The following GBP2 variants were observed in gnomAD, a reference collection of about 807,000 sequenced individuals.
GBP2 encodes guanylate binding protein 2.
GBP2 carries 54 observed loss-of-function variants against 60.8 expected under a neutral mutation model. The observed-to-expected ratio is 0.89, with a 90% CI of 0.71 to 1.11. The LOEUF is 1.11. Among genes scored for constraint, GBP2 ranks in the 50% most tolerant of loss-of-function variants. GBP2 has a pLI of 0.00. For missense variants in GBP2, 665 were observed against 703.3 expected (o/e 0.95, Z 0.62); for synonymous variants, 243 against 256.5 (o/e 0.95, Z 0.50).
intron 8 of GBP2, among the ~76,000 whole-genome samples, chr1:89,111,195 T>C (rs1681158068): frequency 6.6e-6 from 1 of 152,176 alleles, no homozygotes; most frequent in South Asian, 2.1e-4. Context: ...ACAGCTATTA[T>C]CATACTGAAT....
rs1681410302 is a variant in GBP2, at chr1:89,121,972, G to A, written c.-6C>T. 4.3e-6 allele frequency: 7 copies of A among 1,609,280 alleles called. No individual in the cohort carries two copies. Among genetic ancestry groups the A allele is most frequent in the Non-Finnish European group, 5.9e-6 (7 of 1,177,144 alleles). ...AAGTTGATCTCTGGAGCCATGTCCA[G>A]GGTGTTGTTCCCTTGTGTGCAAGGA... On this transcript the variant is annotated 5_prime_UTR_variant, in exon 2 of 11. Transcript: ENST00000370466.
At chr1:89,111,135 G>T (rs915825643) in intron 8 of GBP2, among the ~76,000 whole-genome samples, 4 of 151,910 alleles carry the variant, frequency 2.6e-5, no homozygotes, top group African/African-American at 9.7e-5. Context: ...AAAAAACTGG[G>T]TATAGGTGGA....
intron 2 of GBP2, 127 bp downstream of exon 2, chr1:89,121,650 C>T: frequency 3.2e-6 from 3 of 945,886 alleles, no homozygotes; most frequent in Non-Finnish European, 4.7e-6. Flanking sequence ...ATGTAAAGAG[C>T]CCATTAATGG....
chr1:89,112,844 G>A, intron 7 of GBP2, 160 bp from the exon 8 acceptor site: 1 of 600,264 alleles, frequency 1.7e-6, no homozygotes, highest in East Asian at 2.8e-5. Flanking sequence ...CCTAAGTTGT[G>A]CTTATTGCAG....
In GBP2 at chr1:89,110,171, C is replaced by T. The variant is rs377174334; in HGVS notation, c.1458G>A (p.Ala486=). ...GTTTTCAGCTGTTCTCACCTTCAAT[C>T]GCTTTTTCCTTTTCTGAGAGTGACT... ...TDQSLSEKEK[A]IEVERIKAES... is the part of the protein sequence containing the mutation. The change falls in exon 9 of 11, where the codon GCG becomes GCA. Residue 486 remains alanine, a synonymous_variant. Coordinates refer to ENST00000370466, the MANE Select transcript of GBP2 (RefSeq NM_004120.5). 22 of 1,611,746 alleles carry T rather than the reference C, an allele frequency of 1.4e-5. No individual in the cohort carries two copies. The highest frequency in any genetic ancestry group is 7.7e-5 in the South Asian group (7 of 90,974).
At chr1:89,118,532 G>A (rs1681329143) in intron 4 of GBP2, 1 of 152,024 alleles carries the variant, frequency 6.6e-6, no homozygotes. Context: ...ATTAAGTGAA[G>A]AGAGGATATA....
At chr1:89,108,875 T>C (rs1472683882) in intron 10 of GBP2, among the ~76,000 whole-genome samples, 2 of 149,094 alleles carry the variant, frequency 1.3e-5, no homozygotes, top group African/African-American at 5.0e-5. Context: ...TGTGCTTAAG[T>C]GGGTAGATGG....
chr1:89,110,315 G>T, intron 8 of GBP2, 49 bp from the exon 9 acceptor site: 2 of 1,402,364 alleles, frequency 1.4e-6, no homozygotes, highest in Non-Finnish European at 2.0e-6. Context: ...TTGTGGGTTA[G>T]ATCCAGCAAT....
rs553196839 is a variant in GBP2 at position 89,123,128 on chromosome 1, C to T, written c.-17-1145G>A. Reference sequence around the variant, plus strand: ...ACGTGCTTCCATCATATTTTCAGTGCGTCTTTCCTTCTGACATTACAATAT... The same window carrying T: ...ACGTGCTTCCATCATATTTTCAGTGTGTCTTTCCTTCTGACATTACAATAT... On this transcript the variant is annotated intron_variant, in intron 1 of 10. Coordinates refer to ENST00000370466, the MANE Select transcript of GBP2 (RefSeq NM_004120.5). Among the ~76,000 whole-genome samples the T allele has an allele frequency of 4.1e-4, 63 of 152,252 alleles. 1 individual carries two copies. Among genetic ancestry groups the T allele is most frequent in the Admixed American group, 3.3e-3 (50 of 15,294 alleles).
In GBP2 at chr1:89,116,979, G is replaced by A; in HGVS notation, c.868+13C>T. On this transcript the variant is annotated intron_variant, in intron 6 of 10. Coordinates refer to ENST00000370466, the MANE Select transcript of GBP2 (RefSeq NM_004120.5). ...AAAGTCCAGGTAGGAAGTGGGTAGA[G>A]AGAGTGACTCACGAGGCCCATTGAC... is the stretch of plus-strand genomic sequence containing the variant. The A allele has an allele frequency of 1.9e-6, 3 of 1,613,578 alleles. No individual in the cohort carries two copies. The highest frequency in any genetic ancestry group is 2.5e-6 in the Non-Finnish European group (3 of 1,179,554).
chr1:89,113,750 A>G (rs527304785), intron 7 of GBP2, among the ~76,000 whole-genome samples: 1 of 152,344 alleles, frequency 6.6e-6, no homozygotes, highest in African/African-American at 2.4e-5. Flanking sequence ...AATAAGTTAA[A>G]ATAGTCTTTA....
intron 8 of GBP2, 61 bp from the exon 9 acceptor site, chr1:89,110,327 C>T: frequency 1.6e-6 from 2 of 1,230,226 alleles, no homozygotes; most frequent in Non-Finnish European, 2.4e-6. Flanking sequence ...TCCAGCAATC[C>T]CACCACTGGG....
Position 89,117,103 on chromosome 1 carries a change from C to A in GBP2, c.757G>T (p.Glu253Ter), listed in dbSNP as rs1459491852. ...KYLAHLEQLK[E>*]EELNPDFIEQ... ...ATGAAATCAGGGTTCAGCTCTTCCT[C>A]CTTTAGCTGCTCTAGGTGAGCAAGG... The change falls in exon 6 of 11, where the codon GAG (glutamate) becomes TAG (stop). Residue 253 changes from glutamate (E) to a stop codon, truncating the protein, a stop_gained. Coordinates refer to ENST00000370466, the MANE Select transcript of GBP2 (RefSeq NM_004120.5). LOFTEE classifies it high-confidence loss of function. The A allele has an allele frequency of 1.2e-6, 2 of 1,614,156 alleles. No homozygotes were observed. Among genetic ancestry groups the A allele is most frequent in the South Asian group, 2.2e-5 (2 of 91,080 alleles).
chr1:89,117,492 A>G, intron 5 of GBP2, 85 bp downstream of exon 5: 1 of 1,225,516 alleles, frequency 8.2e-7, no homozygotes, highest in Non-Finnish European at 1.2e-6. Flanking sequence ...GTTAAAAATT[A>G]TAATTTTTAG....
At chr1:89,113,706 T>A (rs1310865029) in intron 7 of GBP2, among the ~76,000 whole-genome samples, 2 of 152,190 alleles carry the variant, frequency 1.3e-5, no homozygotes, top group East Asian at 1.9e-4. Context: ...CCAGGGAACA[T>A]AAAAACAATG....
At chr1:89,120,489 A>G (rs1347276689) in intron 3 of GBP2, among the ~76,000 whole-genome samples, 1 of 152,172 alleles carries the variant, frequency 6.6e-6, no homozygotes, top group Non-Finnish European at 1.5e-5. Context: ...GGTGTTATAT[A>G]TAAATATATG....
rs377394474 is a variant in GBP2, at chr1:89,114,011, T to C, written c.1149+5A>G. 5.9e-5 allele frequency: 95 copies of C among 1,614,036 alleles called. No individual in the cohort carries two copies. The highest frequency in any genetic ancestry group is 7.8e-5 in the Non-Finnish European group (92 of 1,179,988). On this transcript the variant is annotated splice_donor_5th_base_variant and intron_variant, in intron 7 of 10. Transcript: ENST00000370466. ...GCCTCTCATGACGTAGAACACCAAA[T>C]ATACCCCTAATTTCCTCTGGAACAT... is the stretch of plus-strand genomic sequence containing the variant.
At chr1:89,115,295 C>A (rs145143245) in intron 6 of GBP2, among the ~76,000 whole-genome samples, 215 of 152,286 alleles carry the variant, frequency 1.4e-3, no homozygotes, top group African/African-American at 5.0e-3. Context: ...CTGTCATAAT[C>A]TGAGACTAAC....
At chr1:89,118,235 T>C (rs969885506) in intron 4 of GBP2, 1 of 152,830 alleles carries the variant, frequency 6.5e-6, no homozygotes, top group Non-Finnish European at 1.5e-5. Flanking sequence ...CTGGTTCATG[T>C]AGTTTTCCAG....
Sources: allele counts gnomAD v4.1 joint callset (sites outside exome capture counted in the v4.1 genomes callset), GRCh38; gene constraint gnomAD v4.1.1; transcripts MANE v1.5; gene names NCBI Gene and HGNC (gene_info 2026-07-23, HGNC 2026-07-21).